Variants in ZNF280D observed in about 807,000 individuals in gnomAD.
ZNF280D encodes zinc finger protein 280D.
In ZNF280D, 39 loss-of-function variants were observed where a neutral mutation model predicts 94.7. The ratio of observed to expected loss-of-function variants is 0.41; its 90% confidence interval spans 0.32 to 0.54. ZNF280D has a LOEUF of 0.54. Among genes scored for constraint, ZNF280D ranks in the 20% least tolerant of loss-of-function variants. The probability of loss-of-function intolerance (pLI) is 0.22; values close to 1 mark genes in which losing one functional copy is unlikely to be tolerated. For synonymous variants in ZNF280D, 398 were observed against 377.6 expected, an observed-to-expected ratio of 1.05 and a Z score of -0.63; for missense variants, 1,090 against 1,149.3, an observed-to-expected ratio of 0.95 and a Z score of 0.75.
chr15:56,730,302 T>C (rs1228300882), intron 1 of ZNF280D: 2 of 152,232 alleles, frequency 1.3e-5, no homozygotes, highest in Non-Finnish European at 2.9e-5. Flanking sequence ...AAAAAAACTA[T>C]TCAGGATTTA....
At chr15:56,688,112 G>A (rs961617475) in intron 9 of ZNF280D, among the ~76,000 whole-genome samples, 2 of 151,872 alleles carry the variant, frequency 1.3e-5, no homozygotes, top group Non-Finnish European at 2.9e-5. Context: ...AACACAGCAG[G>A]ATACTATAAT....
At chr15:56,703,446 G>T (rs763306413) in intron 4 of ZNF280D, among the ~76,000 whole-genome samples, 1 of 152,130 alleles carries the variant, frequency 6.6e-6, no homozygotes, top group Non-Finnish European at 1.5e-5. Flanking sequence ...GAGAAGTCCC[G>T]TTTGAGACTA....
intron 1 of ZNF280D, among the ~76,000 whole-genome samples, chr15:56,716,025 T>C (rs72744983): frequency 0.013 from 1,975 of 152,296 alleles, 38 homozygotes; most frequent in Non-Finnish European, 0.017. Context: ...AGCATGTGTA[T>C]AGGTTATATC....
chr15:56,701,580 A>T (rs1473586919), intron 4 of ZNF280D, among the ~76,000 whole-genome samples: 1 of 152,088 alleles, frequency 6.6e-6, no homozygotes, highest in East Asian at 1.9e-4. Context: ...TTCCAAAAAC[A>T]TATTTATATA....
chr15:56,684,446 T>G (rs1381334938), intron 9 of ZNF280D, among the ~76,000 whole-genome samples: 1 of 152,096 alleles, frequency 6.6e-6, no homozygotes, highest in African/African-American at 2.4e-5. Flanking sequence ...TGCCTCTATT[T>G]GGAAGACCAC....
At chr15:56,730,274 A>T (rs2058823410) in intron 1 of ZNF280D, 3 of 152,222 alleles carry the variant, frequency 2.0e-5, no homozygotes, top group Admixed American at 2.0e-4. Context: ...AAAGTTTTTA[A>T]TTCCTTTCTA....
At chr15:56,660,345 G>A (rs1231713936) in intron 16 of ZNF280D, among the ~76,000 whole-genome samples, 1 of 151,936 alleles carries the variant, frequency 6.6e-6, no homozygotes, top group Non-Finnish European at 1.5e-5. Context: ...TTATAGTATA[G>A]GGTCTTTTGA....
intron 2 of ZNF280D, 28 bp downstream of exon 2, chr15:56,707,235 T>C: frequency 1.3e-6 from 2 of 1,577,636 alleles, no homozygotes; most frequent in Middle Eastern, 1.7e-4. Flanking sequence ...CACAAATTAT[T>C]GGATGTAAGG....
rs145648770 is a variant in ZNF280D, at chr15:56,726,120, T to C, written c.-86+7338A>G. 1.7e-3 allele frequency among the ~76,000 whole-genome samples: 256 copies of C among 151,672 alleles called. 1 individual carries two copies. The highest frequency in any genetic ancestry group is 5.8e-3 in the African/African-American group (242 of 41,402). On this transcript the variant is annotated intron_variant, in intron 1 of 21. Coordinates refer to ENST00000267807, the MANE Select transcript of ZNF280D (RefSeq NM_017661.4). ...GAAAGGTTTAAGAAAAAAAAACTGGTAACAACAAAAAAACTTTAGAACAGA... is the reference window on the plus strand; with the variant it reads ...GAAAGGTTTAAGAAAAAAAAACTGGCAACAACAAAAAAACTTTAGAACAGA...
chr15:56,643,246 G>C (rs2052717291), intron 19 of ZNF280D: 1 of 260,876 alleles, frequency 3.8e-6, no homozygotes, highest in Non-Finnish European at 7.2e-6. Flanking sequence ...CTAAAAACAA[G>C]GACACTTAAG....
rs765274386 is a variant in ZNF280D at position 56,668,808 on chromosome 15, T to C, written c.1545+15A>G. 2 of 1,583,844 alleles carry C rather than the reference T, an allele frequency of 1.3e-6. No individual in the cohort carries two copies. Among genetic ancestry groups the C allele is most frequent in the Non-Finnish European group, 8.6e-7 (1 of 1,167,840 alleles). On this transcript the variant is annotated intron_variant, in intron 14 of 21. Coordinates refer to ENST00000267807, the MANE Select transcript of ZNF280D (RefSeq NM_017661.4). ...TATCATACAAAATGTTAAAATACAA[T>C]ATATTTTAACTCACTTTTGTTCCAG...
At chr15:56,692,488 C>A (rs1366576395) in intron 7 of ZNF280D, among the ~76,000 whole-genome samples, 1 of 152,004 alleles carries the variant, frequency 6.6e-6, no homozygotes, top group African/African-American at 2.4e-5. Context: ...TTATAGTACA[C>A]TAATTTATTT....
chr15:56,665,120 G>C (rs2054198073), intron 16 of ZNF280D, among the ~76,000 whole-genome samples: 1 of 152,168 alleles, frequency 6.6e-6, no homozygotes, highest in South Asian at 2.1e-4. Flanking sequence ...ATGAGGTCAG[G>C]CCAACCATGA....
intron 13 of ZNF280D, among the ~76,000 whole-genome samples, chr15:56,670,891 G>A (rs1305316881): frequency 1.3e-5 from 2 of 151,808 alleles, no homozygotes; most frequent in African/African-American, 2.4e-5. Flanking sequence ...GGTGTGAGAT[G>A]GTATCTCACT....
rs1394753685 is a variant in ZNF280D at position 56,682,140 on chromosome 15, GAAAGTGTTA to G, written c.1004+105_1004+113del. ...AGAGAATCCGCCTTTATTCTCAGTA[GAAAGTGTTA>G]AAATCACTTACCTAGAATGGCATAG... On this transcript the variant is annotated intron_variant, in intron 10 of 21. Transcript: ENST00000267807. The G allele has an allele frequency of 2.4e-5, 17 of 714,784 alleles. No individual in the cohort carries two copies. The East Asian group carries it at 5.2e-4, about 22-fold the overall frequency. The allele number at this position is 714,784 out of a possible 1,614,324, so 44.3% of individuals were successfully genotyped here.
intron 10 of ZNF280D, among the ~76,000 whole-genome samples, chr15:56,681,143 C>T (rs1214749323): frequency 3.9e-5 from 6 of 151,944 alleles, no homozygotes; most frequent in African/African-American, 1.5e-4. Flanking sequence ...CATAAAGAAA[C>T]CATTAATAAC....
At chr15:56,653,300 A>T in intron 19 of ZNF280D, 1 of 1,216,372 alleles carries the variant, frequency 8.2e-7, no homozygotes, top group Non-Finnish European at 1.0e-6. Flanking sequence ...TTTCTTGGTC[A>T]TAACTGACTC....
At chr15:56,720,768 G>A (rs1413525726) in intron 1 of ZNF280D, among the ~76,000 whole-genome samples, 6 of 152,118 alleles carry the variant, frequency 3.9e-5, no homozygotes, top group African/African-American at 1.2e-4. Flanking sequence ...GCTCTTGGGT[G>A]ACTAGATGCA....
At chr15:56,686,901 CAT>C (rs1160658721) in intron 9 of ZNF280D, among the ~76,000 whole-genome samples, 2 of 152,044 alleles carry the variant, frequency 1.3e-5, no homozygotes, top group Non-Finnish European at 2.9e-5. Flanking sequence ...GTGTCTGACA[CAT>C]AGTCTCAGAT....
Sources: gnomAD v4.1 joint callset for allele counts (sites outside exome capture counted in the v4.1 genomes callset) on GRCh38, gnomAD v4.1.1 for gene constraint, MANE v1.5 for transcripts, NCBI Gene and HGNC (gene_info 2026-07-23, HGNC 2026-07-21) for gene names.